Variants in AKR1B15 observed in about 807,000 individuals in gnomAD.
AKR1B15 encodes the protein estradiol 17-beta-dehydrogenase AKR1B15.
Under a neutral mutation model 38.5 loss-of-function variants are expected in AKR1B15, and 49 were observed. That is an observed-to-expected ratio of 1.27 (90% CI 1.01 to 1.62). The LOEUF is 1.62. Ranked by LOEUF, AKR1B15 falls within the 40% of genes most tolerant of loss-of-function variation. AKR1B15 has a pLI of 0.00. For missense variants in AKR1B15, 411 were observed against 381.6 expected, an observed-to-expected ratio of 1.08 and a Z score of -0.64; for synonymous variants, 137 against 135.5, an observed-to-expected ratio of 1.01 and a Z score of -0.08.
chr7:134,568,332 A>T lies in AKR1B15; in HGVS notation c.318+7A>T, dbSNP rs368705788. On this transcript the variant is annotated splice_region_variant and intron_variant, in intron 4 of 11. Coordinates refer to ENST00000457545, the MANE Select transcript of AKR1B15 (RefSeq NM_001080538.3). ...CCTGTTCATCGTCAGCAAGGTGCAC[A>T]TGGCGCATTTGGTGGGAGGCCTTCA... 30 of 1,613,560 alleles carry T rather than the reference A, an allele frequency of 1.9e-5. No homozygotes were observed. The African/African-American group carries it at 3.2e-4, about 17-fold the overall frequency.
rs190374460 is a variant in AKR1B15, at chr7:134,566,400, G to A, written c.150+1631G>A. ...TCCCTAGGTGGTTCCTGTACACATT[G>A]AAATCTGCAACATGCTGGGACTGCA... On this transcript the variant is annotated intron_variant, in intron 3 of 11. Coordinates refer to ENST00000457545, the MANE Select transcript of AKR1B15 (RefSeq NM_001080538.3). 2.6e-4 allele frequency among the ~76,000 whole-genome samples: 39 copies of A among 152,340 alleles called. 1 individual carries two copies. The East Asian group carries it at 4.8e-3, about 19-fold the overall frequency.
At chr7:134,562,453 G>A (rs1465199194) in intron 2 of AKR1B15, among the ~76,000 whole-genome samples, 1 of 151,746 alleles carries the variant, frequency 6.6e-6, no homozygotes, top group African/African-American at 2.4e-5. Flanking sequence ...GTGCTGATTG[G>A]TCTATTTTAC....
intron 1 of AKR1B15, among the ~76,000 whole-genome samples, chr7:134,550,386 C>T (rs1793925468): frequency 1.3e-5 from 2 of 152,214 alleles, no homozygotes; most frequent in South Asian, 4.1e-4. Context: ...TCCTTAAACC[C>T]GTGAAGGAAA....
rs759928163 is a variant in AKR1B15 at position 134,571,659 on chromosome 7, G to T, written c.491G>T (p.Gly164Val). ...AAAGGTAATATGATCAGTGGAAAAG[G>T]AACGTTCTTGGATGCCTGGGAGGTA... The part of the protein sequence containing the change: ...DDKGNMISGK[G>V]TFLDAWEAME... Residue 164 changes from glycine (G) to valine (V), a missense_variant, in exon 6 of 12, where the codon GGA (glycine) becomes GTA (valine). Physicochemically the swap from Gly to Val is moderately radical, Grantham distance 109. Transcript: ENST00000457545. The T allele has an allele frequency of 6.2e-7, 1 of 1,613,710 alleles. No homozygotes were observed. The highest frequency in any genetic ancestry group is 1.3e-5 in the African/African-American group (1 of 75,006).
At chr7:134,558,874 A>G (rs1415178598) in intron 2 of AKR1B15, among the ~76,000 whole-genome samples, 1 of 152,152 alleles carries the variant, frequency 6.6e-6, no homozygotes, top group Non-Finnish European at 1.5e-5. Context: ...GAACATCAGC[A>G]TTGGCCTTGA....
At chr7:134,565,345 G>A (rs1794507976) in intron 3 of AKR1B15, 11 of 1,397,048 alleles carry the variant, frequency 7.9e-6, no homozygotes, top group Non-Finnish European at 8.9e-6. Flanking sequence ...TTTAACAGCT[G>A]TAACACACAC....
At chr7:134,568,368 G>A (rs1794590307) in intron 4 of AKR1B15, 43 bp downstream of exon 4, 1 of 1,607,954 alleles carries the variant, frequency 6.2e-7, no homozygotes, top group South Asian at 1.1e-5. Flanking sequence ...CTTCAAGGCA[G>A]GCAGAAGTAT....
intron 2 of AKR1B15, among the ~76,000 whole-genome samples, chr7:134,562,842 CTT>C (rs774096530): frequency 1.3e-5 from 1 of 74,220 alleles, no homozygotes; most frequent in South Asian, 3.8e-4. Flanking sequence ...CTCTTTCTTT[CTT>C]TCTTTCTTTC....
In AKR1B15 at chr7:134,568,159, C is replaced by A. The variant is rs779362790; in HGVS notation, c.152C>A (p.Ser51Tyr). 1.9e-6 allele frequency: 3 copies of A among 1,613,806 alleles called. No homozygotes were observed. In the Admixed American group the frequency reaches 5.0e-5, roughly 27 times the overall value. ...AGPLLRPYPA[S>Y]LLGKVKEAVK... ...ATGGGCTTTTCTTTTGCTTTTCAGT[C>A]TCTTCTCGGCAAAGTGAAAGAAGCG... The change falls in exon 4 of 12, where the codon TCT becomes TAT. Residue 51 changes from serine to tyrosine, a missense_variant and splice_region_variant. This residue lies in a region of AKR1B15 where 254 missense variants were observed against 212.4 expected (regional missense o/e 1.20). Coordinates refer to ENST00000457545, the MANE Select transcript of AKR1B15 (RefSeq NM_001080538.3).
intron 2 of AKR1B15, among the ~76,000 whole-genome samples, chr7:134,557,573 C>T (rs944509679): frequency 2.0e-5 from 3 of 151,502 alleles, no homozygotes; most frequent in Non-Finnish European, 2.9e-5. Context: ...CTCCTGGGAA[C>T]GCACTCGGTT....
rs747792903 is a variant in AKR1B15 at position 134,568,225 on chromosome 7, G to A, written c.218G>A (p.Cys73Tyr). Residue 73 changes from cysteine to tyrosine, a missense_variant, in exon 4 of 12, where the codon TGT (cysteine) becomes TAT (tyrosine). Cys to Tyr is a radical substitution (Grantham distance 194). Around this residue, in one of 3 missense-constraint regions of AKR1B15, gnomAD observed 254 missense variants for 212.4 expected, o/e 1.20. Transcript: ENST00000457545. ...GATGCAGAATATCGCCACATTGACT[G>A]TGCCTATTTCTATGAGAATCAACAT... ...AIDAEYRHID[C>Y]AYFYENQHEV... 3.7e-6 allele frequency: 6 copies of A among 1,614,136 alleles called. No homozygotes were observed. Among genetic ancestry groups the A allele is most frequent in the Middle Eastern group, 1.7e-4 (1 of 6,058 alleles).
In AKR1B15 at chr7:134,579,369, C is replaced by T; in HGVS notation, c.993-138C>T. On this transcript the variant is annotated intron_variant, in intron 11 of 11. Coordinates refer to ENST00000457545, the MANE Select transcript of AKR1B15 (RefSeq NM_001080538.3). ...ATTTGAAGGAAGGTCAAGGTGTAAG[C>T]ACCCTTCTTGTGTTCTTGCAGGGAG... The T allele has an allele frequency of 4.5e-6, 3 of 670,154 alleles. No individual in the cohort carries two copies. In the South Asian group the frequency reaches 6.8e-5, roughly 15 times the overall value. 41.5% of individuals were successfully genotyped at this position (670,154 alleles called of 1,614,324 possible).
rs1439861158 is a variant in AKR1B15, at chr7:134,549,179, G to C, written c.-217G>C. The C allele has an allele frequency of 6.6e-6, 1 of 152,492 alleles. No individual in the cohort carries two copies. Among genetic ancestry groups the C allele is most frequent in the Non-Finnish European group, 1.5e-5 (1 of 68,092 alleles). 9.4% of individuals were successfully genotyped at this position (152,492 alleles called of 1,614,324 possible). ...CTCCACAGGCCACTGTCTTCTGGAG[G>C]GGAACGGATCGACTGCCGGTGCGCC... On this transcript the variant is annotated 5_prime_UTR_variant, in exon 1 of 12. Transcript: ENST00000457545.
intron 1 of AKR1B15, among the ~76,000 whole-genome samples, chr7:134,550,829 C>A (rs1035497976): frequency 6.6e-6 from 1 of 152,190 alleles, no homozygotes; most frequent in Non-Finnish European, 1.5e-5. Context: ...AAACTCTGGA[C>A]ACTCTGCGAA....
At chr7:134,550,480 A>G (rs1481426581) in intron 1 of AKR1B15, among the ~76,000 whole-genome samples, 1 of 152,174 alleles carries the variant, frequency 6.6e-6, no homozygotes, top group Non-Finnish European at 1.5e-5. Context: ...GGGTCACCTA[A>G]GTCCCACTGG....
rs782526 is a variant in AKR1B15, at chr7:134,552,859, C to A, written c.-147+3610C>A. Among the ~76,000 whole-genome samples the A allele has an allele frequency of 3.9e-5, 6 of 152,072 alleles. No homozygotes were observed. In the South Asian group the frequency reaches 1.0e-3, roughly 26 times the overall value. ...TGGTTACCCCGAAGTTTTAAAAATT[C>A]CCCCACCCTTTTTAGGGAAGCCCTC... On this transcript the variant is annotated intron_variant, in intron 1 of 11. Coordinates refer to ENST00000457545, the MANE Select transcript of AKR1B15 (RefSeq NM_001080538.3).
intron 2 of AKR1B15, among the ~76,000 whole-genome samples, chr7:134,558,279 G>C (rs993731984): frequency 6.6e-6 from 1 of 152,206 alleles, no homozygotes; most frequent in Non-Finnish European, 1.5e-5. Context: ...CCATTTCAAA[G>C]TGTTCAGATC....
Position 134,571,708 on chromosome 7 carries a change from C to G in AKR1B15, c.513+27C>G, listed in dbSNP as rs777211097. On this transcript the variant is annotated intron_variant, in intron 6 of 11. Transcript: ENST00000457545. ...TAGGTTCCAGCTTTGTCTAAGTGTG[C>G]TGGGAGAGAAATCCTCAGTTATCCA... 4.5e-6 allele frequency: 7 copies of G among 1,571,712 alleles called. No homozygotes were observed. In the Admixed American group the frequency reaches 1.1e-4, roughly 24 times the overall value.
chr7:134,558,938 A>C (rs1480203625), intron 2 of AKR1B15, among the ~76,000 whole-genome samples: 1 of 152,088 alleles, frequency 6.6e-6, no homozygotes, highest in East Asian at 1.9e-4. Flanking sequence ...CAGCCTGGGA[A>C]GGACCCTACC....
Sources: allele counts gnomAD v4.1 joint callset (sites outside exome capture counted in the v4.1 genomes callset), GRCh38; gene constraint gnomAD v4.1.1; regional missense constraint gnomAD v4.1.1; transcripts MANE v1.5; gene names NCBI Gene and HGNC (gene_info 2026-07-23, HGNC 2026-07-21).